EXOC6B: variants seen among roughly 807,000 people sequenced by gnomAD.
EXOC6B encodes exocyst complex component 6B, also known as SEC15 homolog B.
EXOC6B carries 54 observed loss-of-function variants against 113.5 expected under a neutral mutation model. The ratio of observed to expected loss-of-function variants is 0.48; its 90% CI spans 0.38 to 0.60. The LOEUF (loss-of-function observed/expected upper bound fraction) is 0.60. Ranked by LOEUF, EXOC6B falls within the 20% of genes least tolerant of loss-of-function variation. The pLI, the probability that EXOC6B is intolerant of heterozygous loss-of-function variation, is 0.00. For missense variants in EXOC6B, 797 were observed against 977.5 expected (o/e 0.82, Z 2.46); for synonymous variants, 357 against 339.0 (o/e 1.05, Z -0.58).
chr2:72,389,920 C>T (rs1425425191), intron 18 of EXOC6B, among the ~76,000 whole-genome samples: 5 of 151,992 alleles, frequency 3.3e-5, no homozygotes, highest in Admixed American at 3.3e-4. Context: ...TCCTCTTTTT[C>T]CGAGAAGGCA....
intron 20 of EXOC6B, among the ~76,000 whole-genome samples, chr2:72,290,281 A>G (rs1054495560): frequency 3.3e-5 from 5 of 152,226 alleles, no homozygotes; most frequent in African/African-American, 1.2e-4. Flanking sequence ...TACATATTAC[A>G]CATCTTTTAT....
rs146573352 is a variant in EXOC6B, at chr2:72,397,660, T to TAAAAAAA, written c.1981-17791_1981-17790insTTTTTTT. On this transcript the variant is annotated intron_variant, in intron 18 of 21. Coordinates refer to ENST00000272427, the MANE Select transcript of EXOC6B (RefSeq NM_015189.3). ...TAAAATAAAATAAAATAAAATAAAA[T>TAAAAAAA]TATATATATATACACTCATATATTC... 1.1e-3 allele frequency among the ~76,000 whole-genome samples: 158 copies of TAAAAAAA among 139,832 alleles called. 4 individuals carry two copies. Among genetic ancestry groups the TAAAAAAA allele is most frequent in the African/African-American group, 3.0e-3 (98 of 33,118 alleles). The allele number at this position is 139,832 out of a possible 152,430, so 91.7% of individuals were successfully genotyped here. A position where few individuals can be genotyped will look rare whatever the true frequency, so the allele number is the denominator to read the frequency against.
At chr2:72,706,670 T>A (rs1426135924) in intron 6 of EXOC6B, among the ~76,000 whole-genome samples, 1 of 152,230 alleles carries the variant, frequency 6.6e-6, no homozygotes, top group African/African-American at 2.4e-5. Flanking sequence ...TACTTTTCTG[T>A]ACTTTGTTAT....
chr2:72,480,433 C>G (rs1238849201), intron 17 of EXOC6B, among the ~76,000 whole-genome samples, 183 bp downstream of exon 17: 1 of 151,950 alleles, frequency 6.6e-6, no homozygotes, highest in Middle Eastern at 3.2e-3. Flanking sequence ...GTTTAAACAC[C>G]CAAAAACTCG....
chr2:72,647,345 A>G (rs978223039), intron 6 of EXOC6B, among the ~76,000 whole-genome samples: 15 of 152,188 alleles, frequency 9.9e-5, no homozygotes, highest in African/African-American at 3.6e-4. Flanking sequence ...GAAAATGGCC[A>G]TACTGCCCAA....
intron 19 of EXOC6B, among the ~76,000 whole-genome samples, chr2:72,362,631 G>A (rs993078230): frequency 9.2e-5 from 14 of 152,020 alleles, no homozygotes; most frequent in African/African-American, 2.9e-4. Flanking sequence ...ATTCACCCTC[G>A]TGGCTTGAAT....
At chr2:72,761,796 AACC>A (rs1395564216) in intron 1 of EXOC6B, among the ~76,000 whole-genome samples, 2 of 152,110 alleles carry the variant, frequency 1.3e-5, no homozygotes, top group African/African-American at 4.8e-5. Flanking sequence ...ATATATAAGA[AACC>A]ACAATGAAAA....
chr2:72,281,843 A>C (rs1685151729), intron 20 of EXOC6B, among the ~76,000 whole-genome samples: 1 of 152,208 alleles, frequency 6.6e-6, no homozygotes, highest in Admixed American at 6.5e-5. Flanking sequence ...CATTCTGGGC[A>C]ACACAGTGAG....
Position 72,733,309 on chromosome 2 carries a change from T to C in EXOC6B, c.280-191A>G, listed in dbSNP as rs115180375. ...TTTTCTACTGGATGTTTGCATGACC[T>C]TTTGAAAAGAAAAATTTGCTAACAA... On this transcript the variant is annotated intron_variant, in intron 2 of 21. Coordinates refer to ENST00000272427, the MANE Select transcript of EXOC6B (RefSeq NM_015189.3). Among the ~76,000 whole-genome samples the C allele has an allele frequency of 1.1e-3, 169 of 152,266 alleles. 1 individual carries two copies. Among genetic ancestry groups the C allele is most frequent in the African/African-American group, 4.0e-3 (166 of 41,570 alleles).
At chr2:72,662,747 C>T (rs1426733452) in intron 6 of EXOC6B, among the ~76,000 whole-genome samples, 1 of 147,268 alleles carries the variant, frequency 6.8e-6, no homozygotes, top group Admixed American at 6.8e-5. Context: ...ACCGTTTAGC[C>T]TTTTTTTTTT....
intron 20 of EXOC6B, among the ~76,000 whole-genome samples, chr2:72,227,823 T>C (rs1229486119): frequency 1.3e-5 from 2 of 152,194 alleles, no homozygotes; most frequent in Non-Finnish European, 2.9e-5. Context: ...TGTTTATAAT[T>C]TTACTCAACT....
rs1396280849 is a variant in EXOC6B at position 72,718,423 on chromosome 2, T to G, written c.465-116A>C. 4.7e-6 allele frequency: 3 copies of G among 634,280 alleles called. No individual in the cohort carries two copies. In the African/African-American group the frequency reaches 5.5e-5, roughly 12 times the overall value. The allele number at this position is 634,280 out of a possible 1,614,324, so 39.3% of individuals were successfully genotyped here. A position where few individuals can be genotyped will look rare whatever the true frequency, so the allele number is the denominator to read the frequency against. ...ACACAAATCCAGCATGAAGTTTTAA[T>G]GAGAACATCAGTGAAAAGAATCTCA... On this transcript the variant is annotated intron_variant, in intron 5 of 21. Coordinates refer to ENST00000272427, the MANE Select transcript of EXOC6B (RefSeq NM_015189.3).
At chr2:72,602,981 A>T (rs1369836676) in intron 6 of EXOC6B, among the ~76,000 whole-genome samples, 1 of 152,150 alleles carries the variant, frequency 6.6e-6, no homozygotes, top group Non-Finnish European at 1.5e-5. Flanking sequence ...CCCCATAAAA[A>T]ATAAGAGGAG....
chr2:72,762,031 G>C (rs1682768621), intron 1 of EXOC6B, among the ~76,000 whole-genome samples: 1 of 151,958 alleles, frequency 6.6e-6, no homozygotes, highest in African/African-American at 2.4e-5. Flanking sequence ...AGATCACAAG[G>C]TCAAGGGATC....
intron 19 of EXOC6B, among the ~76,000 whole-genome samples, chr2:72,360,612 A>G (rs1168956417): frequency 6.6e-6 from 1 of 152,192 alleles, no homozygotes; most frequent in Non-Finnish European, 1.5e-5. Context: ...GTAACTTAAG[A>G]TAAAAATGAG....
At chr2:72,689,970 T>C (rs935667042) in intron 6 of EXOC6B, among the ~76,000 whole-genome samples, 2 of 152,246 alleles carry the variant, frequency 1.3e-5, no homozygotes, top group Non-Finnish European at 2.9e-5. Context: ...AGGACAGAGA[T>C]GGTTTATCAA....
chr2:72,753,401 A>C (rs1011085896), intron 1 of EXOC6B, among the ~76,000 whole-genome samples: 3 of 152,006 alleles, frequency 2.0e-5, no homozygotes, highest in African/African-American at 7.2e-5. Context: ...ACACCTCCTC[A>C]TAACTAGTCA....
chr2:72,222,978 T>C (rs1261356460), intron 20 of EXOC6B, among the ~76,000 whole-genome samples: 1 of 152,194 alleles, frequency 6.6e-6, no homozygotes, highest in Non-Finnish European at 1.5e-5. Flanking sequence ...GTTATATATG[T>C]GAGTCACTAG....
chr2:72,263,717 T>A (rs1300303740), intron 20 of EXOC6B, among the ~76,000 whole-genome samples: 1 of 152,220 alleles, frequency 6.6e-6, no homozygotes, highest in Non-Finnish European at 1.5e-5. Flanking sequence ...GGAGTGGTCT[T>A]ATCCTGTTAT....
Sources: gnomAD v4.1 joint callset for allele counts (sites outside exome capture counted in the v4.1 genomes callset) on GRCh38, gnomAD v4.1.1 for gene constraint, MANE v1.5 for transcripts, NCBI Gene and HGNC (gene_info 2026-07-23, HGNC 2026-07-21) for gene names.